The following DCC variants were observed in gnomAD, a reference collection of about 807,000 sequenced individuals.
DCC encodes the protein DCC netrin 1 receptor, also known as netrin receptor DCC.
DCC carries 58 observed loss-of-function variants against 172.5 expected under a neutral mutation model. The observed-to-expected ratio is 0.34, with a 90% CI of 0.27 to 0.42. The LOEUF is 0.42. Among genes scored for constraint, DCC ranks in the 10% least tolerant of loss-of-function variants. The pLI is 1.00. For missense variants in DCC, 1,740 were observed against 1,791.0 expected, an observed-to-expected ratio of 0.97 and a Z score of 0.51; for synonymous variants, 709 against 644.5, an observed-to-expected ratio of 1.10 and a Z score of -1.52.
At chr18:52,566,824 C>G (rs1418283054) in intron 1 of DCC, among the ~76,000 whole-genome samples, 1 of 151,968 alleles carries the variant, frequency 6.6e-6, no homozygotes, top group East Asian at 1.9e-4. Context: ...TTTGGGCTTG[C>G]CATTAATACG....
chr18:52,737,488 A>AT (rs1236169041), intron 1 of DCC, among the ~76,000 whole-genome samples: 1 of 152,162 alleles, frequency 6.6e-6, no homozygotes, highest in East Asian at 1.9e-4. Flanking sequence ...TAGTAAGACC[A>AT]TTTTCTCATC....
intron 5 of DCC, among the ~76,000 whole-genome samples, chr18:52,997,975 C>T (rs1025171754): frequency 6.6e-6 from 1 of 152,080 alleles, no homozygotes; most frequent in Non-Finnish European, 1.5e-5. Context: ...AGGTTCAACC[C>T]TTCTGTGCTG....
rs373958132 is a variant in DCC, at chr18:53,138,945, ATTGT to A, written c.1262-18406_1262-18403del. Among the ~76,000 whole-genome samples, 1,286 of 152,290 alleles carry A rather than the reference ATTGT, an allele frequency of 8.4e-3. 21 individuals are homozygous for A. Among genetic ancestry groups the A allele is most frequent in the African/African-American group, 0.03 (1,240 of 41,556 alleles). On this transcript the variant is annotated intron_variant, in intron 7 of 28. Coordinates refer to ENST00000442544, the MANE Select transcript of DCC (RefSeq NM_005215.4). ...GCAGCTACAGATGGTGTCAATATAA[ATTGT>A]TTGTAATATTCTCTGTGTTTGTACG...
chr18:53,156,502 AG>A (rs1483947529), intron 7 of DCC, among the ~76,000 whole-genome samples: 2 of 151,434 alleles, frequency 1.3e-5, no homozygotes, highest in African/African-American at 2.4e-5. Flanking sequence ...AAAAAAAAAA[AG>A]AATCAACTTC....
intron 5 of DCC, among the ~76,000 whole-genome samples, chr18:53,039,484 G>A (rs1186185829): frequency 6.6e-6 from 1 of 152,002 alleles, no homozygotes; most frequent in Non-Finnish European, 1.5e-5. Flanking sequence ...CAACTAGAAT[G>A]TTAAAAGGAT....
chr18:52,962,681 A>G (rs765761524), intron 5 of DCC, among the ~76,000 whole-genome samples: 3,212 of 151,788 alleles, frequency 0.021, 55 homozygotes, highest in Admixed American at 0.039. Flanking sequence ...CACTATTCAC[A>G]GTAGCAAAGA....
chr18:52,631,947 G>C (rs2034686043), intron 1 of DCC, among the ~76,000 whole-genome samples: 1 of 152,098 alleles, frequency 6.6e-6, no homozygotes, highest in Non-Finnish European at 1.5e-5. Flanking sequence ...CTCTGATTAG[G>C]CCCTGTCTCC....
At chr18:53,223,981 T>C (rs2055982993) in intron 12 of DCC, among the ~76,000 whole-genome samples, 1 of 152,184 alleles carries the variant, frequency 6.6e-6, no homozygotes, top group Non-Finnish European at 1.5e-5. Flanking sequence ...TAAGATATTA[T>C]AAAACTAATT....
chr18:53,428,545 T>C (rs1477580337), intron 21 of DCC, among the ~76,000 whole-genome samples: 1 of 37,548 alleles, frequency 2.7e-5, no homozygotes, highest in Admixed American at 4.2e-4. Context: ...TTTATATATA[T>C]ATAAATATAT....
intron 12 of DCC, among the ~76,000 whole-genome samples, chr18:53,252,391 T>G (rs1033741386): frequency 6.6e-6 from 1 of 151,874 alleles, no homozygotes; most frequent in African/African-American, 2.4e-5. Context: ...CTCTGGGGGT[T>G]TAGGTGGTTC....
intron 14 of DCC, among the ~76,000 whole-genome samples, chr18:53,322,916 C>T (rs555989529): frequency 6.6e-6 from 1 of 151,748 alleles, no homozygotes; most frequent in Non-Finnish European, 1.5e-5. Flanking sequence ...ATGAGAGGTC[C>T]TTGGAAAAGA....
chr18:53,047,282 ATATATAATTTTATATATATATATAT>A (rs2042257322), intron 5 of DCC, among the ~76,000 whole-genome samples: 3 of 18,150 alleles, frequency 1.7e-4, no homozygotes, highest in African/African-American at 1.3e-3. Flanking sequence ...ATATATATAT[ATATATAATTTTATATATATATATAT>A]AATTTTATAT....
intron 1 of DCC, among the ~76,000 whole-genome samples, chr18:52,373,887 C>CTTTTTTTTTTTTTTTTTTTT (rs779518696): frequency 7.1e-6 from 1 of 141,112 alleles, no homozygotes; most frequent in African/African-American, 2.6e-5. Context: ...TTGGTTGCAT[C>CTTTTTTTTTTTTTTTTTTTT]ATTTTTTTTT....
intron 3 of DCC, among the ~76,000 whole-genome samples, chr18:52,911,033 C>T (rs763105851): frequency 6.6e-6 from 1 of 152,018 alleles, no homozygotes; most frequent in Non-Finnish European, 1.5e-5. Context: ...TACTCAATGG[C>T]ACATTAAACT....
intron 2 of DCC, among the ~76,000 whole-genome samples, chr18:52,821,923 TAAACAC>T (rs975155573): frequency 6.6e-6 from 1 of 152,216 alleles, no homozygotes; most frequent in Non-Finnish European, 1.5e-5. Flanking sequence ...CATGAAGTTA[TAAACAC>T]AAACATAATT....
chr18:53,128,862 CACACACACATATATATATATATATATAT>C (rs1471525873), intron 7 of DCC, among the ~76,000 whole-genome samples: 1,790 of 81,080 alleles, frequency 0.022, 36 homozygotes, highest in African/African-American at 0.073. Flanking sequence ...CACACACACA[CACACACACATATATATATATATATATAT>C]ATATATATAT....
intron 12 of DCC, among the ~76,000 whole-genome samples, chr18:53,261,036 G>A (rs1177457919): frequency 2.0e-5 from 3 of 152,152 alleles, no homozygotes; most frequent in African/African-American, 7.2e-5. Context: ...TGTGCCATTT[G>A]CTAAGACCGT....
At chr18:52,390,086 C>G (rs1006121238) in intron 1 of DCC, among the ~76,000 whole-genome samples, 1 of 151,790 alleles carries the variant, frequency 6.6e-6, no homozygotes, top group African/African-American at 2.4e-5. Flanking sequence ...GGTTTCTATG[C>G]TTTCCCCGCC....
intron 2 of DCC, among the ~76,000 whole-genome samples, chr18:52,888,282 C>A (rs948201780): frequency 1.3e-5 from 2 of 152,138 alleles, no homozygotes; most frequent in Non-Finnish European, 2.9e-5. Flanking sequence ...GAGATTTACA[C>A]CCTCTGATTT....
Sources: gnomAD v4.1 joint callset for allele counts (sites outside exome capture counted in the v4.1 genomes callset) on GRCh38, gnomAD v4.1.1 for gene constraint, MANE v1.5 for transcripts, NCBI Gene and HGNC (gene_info 2026-07-23, HGNC 2026-07-21) for gene names.